Variants in FNDC3B observed in about 807,000 individuals in gnomAD.
FNDC3B encodes fibronectin type III domain-containing protein 3B.
In FNDC3B, 12 loss-of-function variants were observed where a neutral mutation model predicts 151.5. The ratio of observed to expected loss-of-function variants is 0.08; its 90% confidence interval spans 0.05 to 0.13. The LOEUF (loss-of-function observed/expected upper bound fraction) is 0.13. Ranked by LOEUF, FNDC3B falls within the 10% of genes least tolerant of loss-of-function variation. FNDC3B has a pLI of 1.00. For synonymous variants in FNDC3B, 528 were observed against 549.0 expected (o/e 0.96, Z 0.54); for missense variants, 1,214 against 1,505.3 (o/e 0.81, Z 3.20).
At chr3:172,170,434 T>C (rs1277778316) in intron 3 of FNDC3B, among the ~76,000 whole-genome samples, 1 of 152,244 alleles carries the variant, frequency 6.6e-6, no homozygotes, top group African/African-American at 2.4e-5. Context: ...TGAGCAAGAA[T>C]GAATTTGTAA....
At chr3:172,267,404 C>T (rs909244933) in intron 6 of FNDC3B, among the ~76,000 whole-genome samples, 7 of 152,162 alleles carry the variant, frequency 4.6e-5, no homozygotes, top group African/African-American at 1.4e-4. Flanking sequence ...GGTCCTCCTG[C>T]CTCAGTTTCC....
At chr3:172,362,178 G>A (rs1734398021) in intron 22 of FNDC3B, among the ~76,000 whole-genome samples, 1 of 152,148 alleles carries the variant, frequency 6.6e-6, no homozygotes, top group Non-Finnish European at 1.5e-5. Flanking sequence ...GATGAGGCTG[G>A]CAAAAGGGAG....
At chr3:172,280,929 G>C (rs755883212) in intron 6 of FNDC3B, among the ~76,000 whole-genome samples, 6 of 151,652 alleles carry the variant, frequency 4.0e-5, no homozygotes, top group Non-Finnish European at 7.4e-5. Flanking sequence ...TGCTTTGCTT[G>C]TGTATTTTTA....
At chr3:172,153,693 T>A (rs1272476282) in intron 3 of FNDC3B, among the ~76,000 whole-genome samples, 1 of 152,010 alleles carries the variant, frequency 6.6e-6, no homozygotes, top group Non-Finnish European at 1.5e-5. Context: ...GCCTCAAGAG[T>A]CAAACAGTGA....
intron 23 of FNDC3B, among the ~76,000 whole-genome samples, chr3:172,372,988 G>A (rs906593234): frequency 6.6e-6 from 1 of 152,174 alleles, no homozygotes; most frequent in African/African-American, 2.4e-5. Flanking sequence ...GTCTTCCTGG[G>A]TCCAAGTCCC....
Position 172,112,514 on chromosome 3 carries a change from C to T in FNDC3B, c.35C>T (p.Pro12Leu), listed in dbSNP as rs141843418. Reference protein sequence around the residue: ...YVTMMMTDQIPLELPPLLNGE... With the variant: ...YVTMMMTDQILLELPPLLNGE... ...ACAATGATGATGACCGACCAAATCC[C>T]TCTGGAACTGCCACCATTGCTGAAC... The change falls in exon 2 of 26, where the codon CCT becomes CTT. Residue 12 changes from proline to leucine, a missense_variant. Physicochemically the swap from Pro to Leu is moderately conservative, Grantham distance 98 (BLOSUM62 -3). This residue lies in a region of FNDC3B where 113 missense variants were observed against 177.8 expected (regional missense o/e 0.64). Transcript: ENST00000415807. 3.7e-6 allele frequency: 6 copies of T among 1,614,030 alleles called. No homozygotes were observed. In the African/African-American group the frequency reaches 8.0e-5, roughly 22 times the overall value.
intron 1 of FNDC3B, among the ~76,000 whole-genome samples, chr3:172,061,398 ATT>A (rs995745698): frequency 6.6e-6 from 1 of 150,460 alleles, no homozygotes; most frequent in South Asian, 2.1e-4. Context: ...AAGCCCGGCT[ATT>A]TTTTTTTATG....
intron 1 of FNDC3B, among the ~76,000 whole-genome samples, chr3:172,108,334 A>T (rs1039024337): frequency 6.6e-6 from 1 of 152,252 alleles, no homozygotes; most frequent in Admixed American, 6.5e-5. Context: ...CTGCTCTTTA[A>T]TGAAGAACAT....
At chr3:172,084,120 T>G (rs556231776) in intron 1 of FNDC3B, among the ~76,000 whole-genome samples, 4 of 152,206 alleles carry the variant, frequency 2.6e-5, no homozygotes, top group African/African-American at 9.6e-5. Flanking sequence ...TGGCTACTTG[T>G]TACTTCTGAA....
intron 3 of FNDC3B, among the ~76,000 whole-genome samples, chr3:172,181,827 CAAAAAAAAAAAA>C (rs747723219): frequency 4.9e-5 from 3 of 61,572 alleles, no homozygotes; most frequent in African/African-American, 1.3e-4. Flanking sequence ...GACTCCATCT[CAAAAAAAAAAAA>C]AAAAAAAAAA....
intron 1 of FNDC3B, among the ~76,000 whole-genome samples, chr3:172,105,207 T>C (rs1719583613): frequency 6.6e-6 from 1 of 152,090 alleles, no homozygotes; most frequent in Admixed American, 6.5e-5. Context: ...CCGGGGTGTA[T>C]GGGGGGAGGT....
chr3:172,330,778 G>C (rs1307541905), intron 13 of FNDC3B, 63 bp downstream of exon 13: 2 of 1,310,830 alleles, frequency 1.5e-6, no homozygotes, highest in Non-Finnish European at 2.1e-6. Flanking sequence ...TATAGCTACA[G>C]GGCACCATGA....
chr3:172,203,386 C>T (rs1021100167), intron 3 of FNDC3B, among the ~76,000 whole-genome samples: 8 of 152,234 alleles, frequency 5.3e-5, no homozygotes, highest in African/African-American at 1.7e-4. Flanking sequence ...CAAGACAGGA[C>T]ATCGGTTTGT....
intron 25 of FNDC3B, among the ~76,000 whole-genome samples, chr3:172,385,399 C>G (rs1332581732): frequency 1.3e-5 from 2 of 152,036 alleles, no homozygotes; most frequent in Non-Finnish European, 2.9e-5. Context: ...CCAGTACTGG[C>G]ATATAGTTTG....
chr3:172,052,994 A>G (rs957856508), intron 1 of FNDC3B, among the ~76,000 whole-genome samples: 28 of 152,246 alleles, frequency 1.8e-4, no homozygotes, highest in Admixed American at 1.6e-3. Context: ...ACCACAAGGC[A>G]GATGTAAAAT....
intron 1 of FNDC3B, among the ~76,000 whole-genome samples, chr3:172,110,423 C>T (rs1165453502): frequency 6.6e-6 from 1 of 152,064 alleles, no homozygotes; most frequent in African/African-American, 2.4e-5. Flanking sequence ...CCTAAGGACC[C>T]TCATCTCCCT....
chr3:172,091,310 T>C (rs535644074), intron 1 of FNDC3B, among the ~76,000 whole-genome samples: 7 of 152,354 alleles, frequency 4.6e-5, no homozygotes, highest in African/African-American at 1.7e-4. Context: ...AAATGCTTCT[T>C]TTCATACATT....
chr3:172,216,791 C>T (rs1726000260), intron 3 of FNDC3B, among the ~76,000 whole-genome samples: 1 of 152,202 alleles, frequency 6.6e-6, no homozygotes, highest in African/African-American at 2.4e-5. Flanking sequence ...GAGCAGAGTC[C>T]TGAGACCCTG....
intron 1 of FNDC3B, among the ~76,000 whole-genome samples, chr3:172,076,720 G>C (rs1030667992): frequency 2.0e-5 from 3 of 152,144 alleles, no homozygotes; most frequent in African/African-American, 7.2e-5. Context: ...AAGGAAGATT[G>C]AAAGTTTCCA....
Sources: allele counts gnomAD v4.1 joint callset (sites outside exome capture counted in the v4.1 genomes callset), GRCh38; gene constraint gnomAD v4.1.1; regional missense constraint gnomAD v4.1.1; transcripts MANE v1.5; gene names NCBI Gene and HGNC (gene_info 2026-07-23, HGNC 2026-07-21).